Variants in NT5M observed in about 807,000 individuals in gnomAD.
The protein encoded by NT5M is 5'(3')-deoxyribonucleotidase, mitochondrial.
Under a neutral mutation model 22.2 loss-of-function variants are expected in NT5M, and 22 were observed. That is an observed-to-expected ratio of 0.99 (90% CI 0.71 to 1.41). The LOEUF (loss-of-function observed/expected upper bound fraction) is 1.41, where lower values mean the gene tolerates loss of function less well. NT5M is among the 40% of genes most tolerant of loss of function. The pLI, the probability that NT5M is intolerant of heterozygous loss-of-function variation, is 0.00. For synonymous variants in NT5M, 167 were observed against 133.0 expected (o/e 1.26, Z -1.76); for missense variants, 322 against 314.8 (o/e 1.02, Z -0.17).
At chr17:17,331,105 G>A (rs2049376550) in intron 3 of NT5M, among the ~76,000 whole-genome samples, 1 of 151,502 alleles carries the variant, frequency 6.6e-6, no homozygotes, top group African/African-American at 2.4e-5. Flanking sequence ...ACTCCCTGTA[G>A]GACTTAGGCT....
intron 2 of NT5M, among the ~76,000 whole-genome samples, chr17:17,318,965 C>G (rs2049094518): frequency 1.3e-5 from 2 of 151,794 alleles, no homozygotes. Context: ...AATCCCAGTG[C>G]TTTGGGAGGC....
rs765325810 is a variant in NT5M, at chr17:17,323,218, G to A, written c.402G>A (p.Lys134=). 2.5e-6 allele frequency: 4 copies of A among 1,614,138 alleles called. No individual in the cohort carries two copies. In the East Asian group the frequency reaches 8.9e-5, roughly 36 times the overall value. Residue 134 remains lysine, a synonymous_variant, in exon 3 of 5, where the codon AAG becomes AAA. Coordinates refer to ENST00000389022, the MANE Select transcript of NT5M (RefSeq NM_020201.4). ...TDVFICTSPI[K]MFKYCPYEKY... ...TCTTCATCTGCACAAGCCCCATCAA[G>A]ATGTTCAAGTACTGTCCCTATGAGA...
At chr17:17,324,325 A>T (rs1455066441) in intron 3 of NT5M, among the ~76,000 whole-genome samples, 10 of 151,526 alleles carry the variant, frequency 6.6e-5, no homozygotes. Flanking sequence ...CTCTATTAAA[A>T]ATACGAAAAT....
chr17:17,315,336 C>T (rs1190117367), intron 2 of NT5M, among the ~76,000 whole-genome samples: 1 of 152,154 alleles, frequency 6.6e-6, no homozygotes, highest in Non-Finnish European at 1.5e-5. Context: ...AAATAACACA[C>T]CTAAGGTCTC....
Position 17,306,654 on chromosome 17 carries a change from C to A in NT5M, c.368+11C>A. ...GGCCAGCCTACAAAAGTAAGTTTGT[C>A]CTCCCAGCCACTCAGTAAGTTTGTC... is the stretch of plus-strand genomic sequence containing the variant. On this transcript the variant is annotated intron_variant, in intron 2 of 4. Transcript: ENST00000389022. The A allele has an allele frequency of 2.5e-6, 4 of 1,583,368 alleles. No homozygotes were observed. In the South Asian group the frequency reaches 3.3e-5, roughly 13 times the overall value.
chr17:17,316,281 C>T (rs2049025586), intron 2 of NT5M, among the ~76,000 whole-genome samples: 1 of 150,696 alleles, frequency 6.6e-6, no homozygotes, highest in African/African-American at 2.5e-5. Flanking sequence ...TGGTCTTAAC[C>T]TCTTAACCGC....
At chr17:17,328,586 A>G (rs1567892871) in intron 3 of NT5M, among the ~76,000 whole-genome samples, 1 of 152,200 alleles carries the variant, frequency 6.6e-6, no homozygotes, top group African/African-American at 2.4e-5. Flanking sequence ...TGCACAGGAC[A>G]GAGGTCTCCC....
intron 2 of NT5M, among the ~76,000 whole-genome samples, chr17:17,319,929 G>A (rs574497642): frequency 1.3e-5 from 2 of 151,716 alleles, no homozygotes; most frequent in South Asian, 2.1e-4. Context: ...TGCAACCTCC[G>A]CCTTTTGGAT....
intron 2 of NT5M, among the ~76,000 whole-genome samples, chr17:17,314,879 C>G (rs1158641855): frequency 6.6e-6 from 1 of 152,226 alleles, no homozygotes; most frequent in African/African-American, 2.4e-5. Flanking sequence ...CCTTCCCTGA[C>G]CACTGCAGCT....
At chr17:17,318,021 C>G (rs2049069050) in intron 2 of NT5M, among the ~76,000 whole-genome samples, 2 of 148,338 alleles carry the variant, frequency 1.3e-5, no homozygotes, top group African/African-American at 5.0e-5. Context: ...AGCAATTCAA[C>G]TCATAGGTGT....
chr17:17,303,676 G>A lies in NT5M; in HGVS notation c.126G>A (p.Met42Ile), dbSNP rs762632087. ...GCGCCCTACGGGTGCTGGTGGACAT[G>A]GACGGCGTGCTGGCTGACTTCGAGG... ...GGRALRVLVD[M>I]DGVLADFEGG... The change falls in exon 1 of 5, where the codon ATG becomes ATA. Residue 42 changes from methionine to isoleucine, a missense_variant. Coordinates refer to ENST00000389022, the MANE Select transcript of NT5M (RefSeq NM_020201.4). The A allele has an allele frequency of 6.3e-6, 10 of 1,579,426 alleles. No individual in the cohort carries two copies. The highest frequency in any genetic ancestry group is 1.4e-5 in the African/African-American group (1 of 71,300).
At chr17:17,343,556 G>A (rs1328620669) in intron 3 of NT5M, among the ~76,000 whole-genome samples, 1 of 152,142 alleles carries the variant, frequency 6.6e-6, no homozygotes, top group East Asian at 1.9e-4. Flanking sequence ...CTGGAAGAAA[G>A]CCACCCTAAG....
chr17:17,315,522 C>G (rs1043772310), intron 2 of NT5M, among the ~76,000 whole-genome samples: 2 of 152,162 alleles, frequency 1.3e-5, no homozygotes, highest in Non-Finnish European at 2.9e-5. Context: ...GAATTGACAT[C>G]AGACCTGAAG....
rs770193984 is a variant in NT5M at position 17,347,269 on chromosome 17, G to A, written c.*322G>A. ...GCCACTGTTCAGGGGGCTGGTGGCC[G>A]TCTCCACTCCCTAGGCAAGTTCTCT... On this transcript the variant is annotated 3_prime_UTR_variant, in exon 5 of 5. Coordinates refer to ENST00000389022, the MANE Select transcript of NT5M (RefSeq NM_020201.4). 30 of 311,850 alleles carry A rather than the reference G, an allele frequency of 9.6e-5. No individual in the cohort carries two copies. The highest frequency in any genetic ancestry group is 1.4e-4 in the Non-Finnish European group (24 of 168,988). The allele number at this position is 311,850 out of a possible 1,614,324, so 19.3% of individuals were successfully genotyped here.
intron 3 of NT5M, among the ~76,000 whole-genome samples, chr17:17,344,474 C>T (rs1465734314): frequency 2.6e-5 from 4 of 152,172 alleles, no homozygotes; most frequent in African/African-American, 7.2e-5. Context: ...CACACATGGC[C>T]GCCCTCTGCT....
At chr17:17,315,138 A>C (rs573120122) in intron 2 of NT5M, among the ~76,000 whole-genome samples, 1 of 151,798 alleles carries the variant, frequency 6.6e-6, no homozygotes, top group Non-Finnish European at 1.5e-5. Context: ...TTAAAAAAAA[A>C]TTTTTTTTTA....
In NT5M at chr17:17,315,744, G is replaced by GTTTTTTTTTTTTTTTTTT. The variant is rs1173004367; in HGVS notation, c.369-7434_369-7433insTTTTTTTTTTTTTTTTTT. ...AGAGATTGATGTGATCTAACTTAGG[G>GTTTTTTTTTTTTTTTTTT]TTTTTTTGTTTTTTTTTTTTTTTTT... On this transcript the variant is annotated intron_variant, in intron 2 of 4. Transcript: ENST00000389022. 1.2e-4 allele frequency among the ~76,000 whole-genome samples: 8 copies of GTTTTTTTTTTTTTTTTTT among 67,714 alleles called. 3 individuals are homozygous for GTTTTTTTTTTTTTTTTTT. Among genetic ancestry groups the GTTTTTTTTTTTTTTTTTT allele is most frequent in the Non-Finnish European group, 1.1e-4 (4 of 37,274 alleles). The allele number at this position is 67,714 out of a possible 152,430, so 44.4% of individuals were successfully genotyped here.
intron 2 of NT5M, among the ~76,000 whole-genome samples, chr17:17,322,089 A>G (rs2049163348): frequency 6.6e-6 from 1 of 152,056 alleles, no homozygotes; most frequent in African/African-American, 2.4e-5. Context: ...ATATATGTGG[A>G]CATGTGTGTG....
At chr17:17,316,794 C>T (rs144374473) in intron 2 of NT5M, among the ~76,000 whole-genome samples, 7 of 151,428 alleles carry the variant, frequency 4.6e-5, no homozygotes, top group African/African-American at 1.5e-4. Flanking sequence ...CAGCTCACTG[C>T]AACCTCTGCC....
Sources: allele counts gnomAD v4.1 joint callset (sites outside exome capture counted in the v4.1 genomes callset), GRCh38; gene constraint gnomAD v4.1.1; transcripts MANE v1.5; gene names NCBI Gene and HGNC (gene_info 2026-07-23, HGNC 2026-07-21).